Variants in JARID2 observed in about 807,000 individuals in gnomAD.
JARID2 encodes the protein jumonji and AT-rich interaction domain containing 2.
In JARID2, 21 loss-of-function variants were observed where a neutral mutation model predicts 125.6. The ratio of observed to expected loss-of-function variants is 0.17; its 90% CI spans 0.12 to 0.24. The LOEUF (loss-of-function observed/expected upper bound fraction) is 0.24. Ranked by LOEUF, JARID2 falls within the 10% of genes least tolerant of loss-of-function variation. JARID2 has a pLI of 1.00. For missense variants in JARID2, 1,303 were observed against 1,639.6 expected (o/e 0.79, Z 3.55); for synonymous variants, 736 against 661.6 (o/e 1.11, Z -1.73).
At chr6:15,302,833 C>A (rs1056389169) in intron 1 of JARID2, among the ~76,000 whole-genome samples, 1 of 152,124 alleles carries the variant, frequency 6.6e-6, no homozygotes, top group Admixed American at 6.6e-5. Flanking sequence ...CTCCTGGGTT[C>A]AAGCGATTCT....
At chr6:15,332,147 G>A (rs766860796) in intron 1 of JARID2, among the ~76,000 whole-genome samples, 3 of 152,138 alleles carry the variant, frequency 2.0e-5, no homozygotes, top group African/African-American at 2.4e-5. Context: ...GGATTAGAAT[G>A]TGCTAGGAAA....
rs546287850 is a variant in JARID2 at position 15,387,990 on chromosome 6, T to C, written c.181+13738T>C. ...AATAGAATAGAAAGACCCTGCAGGG[T>C]CACCAGATAGGGCTTCCTACAGCCA... On this transcript the variant is annotated intron_variant, in intron 2 of 17. Coordinates refer to ENST00000341776, the MANE Select transcript of JARID2 (RefSeq NM_004973.4). 2.6e-5 allele frequency among the ~76,000 whole-genome samples: 4 copies of C among 152,116 alleles called. No homozygotes were observed. In the South Asian group the frequency reaches 8.3e-4, roughly 32 times the overall value.
chr6:15,508,971 G>C (rs1428791718), intron 12 of JARID2: 4 of 1,289,200 alleles, frequency 3.1e-6, no homozygotes, highest in African/African-American at 3.0e-5. Flanking sequence ...CAGCCTCTCT[G>C]TAGAGCCAGT....
At chr6:15,321,482 T>A (rs1328426614) in intron 1 of JARID2, among the ~76,000 whole-genome samples, 1 of 152,212 alleles carries the variant, frequency 6.6e-6, no homozygotes, top group African/African-American at 2.4e-5. Context: ...ACATGGTTTG[T>A]AGCTTTTTAT....
chr6:15,304,731 A>C (rs1198783835), intron 1 of JARID2, among the ~76,000 whole-genome samples: 1 of 152,200 alleles, frequency 6.6e-6, no homozygotes, highest in Non-Finnish European at 1.5e-5. Flanking sequence ...ATCCAGAGAG[A>C]ATGCAGTAGC....
rs540205016 is a variant in JARID2, at chr6:15,518,281, G to T, written c.3558+1013G>T. 3.3e-5 allele frequency among the ~76,000 whole-genome samples: 5 copies of T among 152,286 alleles called. No individual in the cohort carries two copies. In the East Asian group the frequency reaches 7.7e-4, roughly 24 times the overall value. On this transcript the variant is annotated intron_variant, in intron 17 of 17. Transcript: ENST00000341776. ...CTGGAAAGCGCTCTGTGAATCATGG[G>T]TTGTACCTCTCACCAGCAGCCTGTT...
chr6:15,466,256 C>T (rs1768731685), intron 4 of JARID2, among the ~76,000 whole-genome samples: 1 of 152,110 alleles, frequency 6.6e-6, no homozygotes, highest in South Asian at 2.1e-4. Context: ...CTCCTGTTTC[C>T]TTCTGAAAAA....
chr6:15,348,675 A>G (rs1763327595), intron 1 of JARID2, among the ~76,000 whole-genome samples: 1 of 152,204 alleles, frequency 6.6e-6, no homozygotes, highest in African/African-American at 2.4e-5. Flanking sequence ...AAAATGTCAA[A>G]CATTGTTCTT....
At chr6:15,383,657 T>C (rs931094907) in intron 2 of JARID2, among the ~76,000 whole-genome samples, 2 of 152,190 alleles carry the variant, frequency 1.3e-5, no homozygotes, top group African/African-American at 4.8e-5. Context: ...ACCCCTCACG[T>C]TGGGCCACTT....
intron 1 of JARID2, among the ~76,000 whole-genome samples, chr6:15,320,850 CTCTGTG>C (rs1175377967): frequency 6.7e-5 from 9 of 135,130 alleles, no homozygotes; most frequent in East Asian, 4.1e-4. Flanking sequence ...CTCTCTCTCT[CTCTGTG>C]TGTGTGTGTG....
intron 1 of JARID2, among the ~76,000 whole-genome samples, chr6:15,350,845 T>C (rs1030905131): frequency 6.6e-6 from 1 of 152,074 alleles, no homozygotes; most frequent in Non-Finnish European, 1.5e-5. Flanking sequence ...ATTTCACTTT[T>C]GATTGCAAAA....
intron 1 of JARID2, among the ~76,000 whole-genome samples, chr6:15,281,322 A>G (rs1760740262): frequency 6.6e-6 from 1 of 152,240 alleles, no homozygotes. Flanking sequence ...AGTTTAATTC[A>G]TGTGATGCTA....
chr6:15,273,050 A>G lies in JARID2; in HGVS notation c.45+26466A>G, dbSNP rs1273356069. Among the ~76,000 whole-genome samples the G allele has an allele frequency of 3.9e-5, 6 of 152,160 alleles. No individual in the cohort carries two copies. The East Asian group carries it at 5.8e-4, about 15-fold the overall frequency. On this transcript the variant is annotated intron_variant, in intron 1 of 17. Transcript: ENST00000341776. ...AATAAAGCCTAGTAAGTTGCCATCT[A>G]TAGAGAAAGCAGTTAGGGGATTCAG...
At chr6:15,466,577 T>C (rs1053537436) in intron 4 of JARID2, among the ~76,000 whole-genome samples, 4 of 152,256 alleles carry the variant, frequency 2.6e-5, no homozygotes, top group African/African-American at 9.6e-5. Flanking sequence ...TTGAGTGCTG[T>C]AGTTACTCTT....
chr6:15,427,228 G>C (rs1581548315), intron 3 of JARID2, among the ~76,000 whole-genome samples: 1 of 152,158 alleles, frequency 6.6e-6, no homozygotes, highest in East Asian at 1.9e-4. Context: ...GTTGTAGTGT[G>C]ATGGAAGGAA....
At chr6:15,418,904 G>A (rs1766359453) in intron 3 of JARID2, among the ~76,000 whole-genome samples, 1 of 152,082 alleles carries the variant, frequency 6.6e-6, no homozygotes, top group Non-Finnish European at 1.5e-5. Flanking sequence ...ATTCTTTTTG[G>A]TCTGAGTTAC....
At chr6:15,327,545 G>C (rs1396351997) in intron 1 of JARID2, among the ~76,000 whole-genome samples, 1 of 151,050 alleles carries the variant, frequency 6.6e-6, no homozygotes, top group Non-Finnish European at 1.5e-5. Context: ...GTGTGTGTGT[G>C]TGTGTGCGCG....
At chr6:15,459,468 C>CT (rs1176168342) in intron 4 of JARID2, among the ~76,000 whole-genome samples, 3 of 152,156 alleles carry the variant, frequency 2.0e-5, no homozygotes, top group East Asian at 1.9e-4. Flanking sequence ...GCAACCGTCC[C>CT]TTTTTTTACC....
chr6:15,508,927 A>T, intron 12 of JARID2: 1 of 1,283,742 alleles, frequency 7.8e-7, no homozygotes, highest in South Asian at 1.2e-5. Flanking sequence ...TAGTAACTGA[A>T]TATAAACCGT....
Sources: gnomAD v4.1 joint callset for allele counts (sites outside exome capture counted in the v4.1 genomes callset) on GRCh38, gnomAD v4.1.1 for gene constraint, MANE v1.5 for transcripts, NCBI Gene and HGNC (gene_info 2026-07-23, HGNC 2026-07-21) for gene names.